B3GALT1: variants seen among roughly 807,000 people sequenced by gnomAD.
The protein encoded by B3GALT1 is UDP-Gal:betaGlcNAc beta 1,3-galactosyltransferase, polypeptide 1.
In B3GALT1, 10 loss-of-function variants were observed where a neutral mutation model predicts 23.2. The observed-to-expected ratio is 0.43, with a 90% CI of 0.27 to 0.73. The LOEUF (loss-of-function observed/expected upper bound fraction) is 0.73, where lower values mean the gene tolerates loss of function less well. B3GALT1 is among the 30% of genes least tolerant of loss of function. The probability of loss-of-function intolerance (pLI) is 0.21; values close to 1 mark genes in which losing one functional copy is unlikely to be tolerated. For synonymous variants in B3GALT1, 156 were observed against 141.5 expected (o/e 1.10, Z -0.73); for missense variants, 299 against 405.4 (o/e 0.74, Z 2.25).
intron 1 of B3GALT1, among the ~76,000 whole-genome samples, chr2:167,307,740 T>C (rs1191735599): frequency 6.6e-6 from 1 of 152,040 alleles, no homozygotes; most frequent in Non-Finnish European, 1.5e-5. Flanking sequence ...TTTAGGGATG[T>C]CTCTTCCAAG....
intron 3 of B3GALT1, among the ~76,000 whole-genome samples, chr2:167,774,480 T>A (rs576330089): frequency 8.2e-6 from 1 of 121,410 alleles, no homozygotes. Context: ...TGGTTTTTTT[T>A]TTTTGTTTTT....
chr2:167,729,392 C>G (rs1345318632), intron 3 of B3GALT1, among the ~76,000 whole-genome samples: 1 of 152,090 alleles, frequency 6.6e-6, no homozygotes, highest in African/African-American at 2.4e-5. Context: ...AACACTAGGA[C>G]GATGTCAAGG....
At chr2:167,695,560 A>C (rs1686779774) in intron 3 of B3GALT1, among the ~76,000 whole-genome samples, 1 of 152,136 alleles carries the variant, frequency 6.6e-6, no homozygotes, top group Non-Finnish European at 1.5e-5. Context: ...ACGTCTAAGA[A>C]TATTTCCTGC....
chr2:167,361,552 A>G (rs750559436), intron 1 of B3GALT1, among the ~76,000 whole-genome samples: 18 of 152,210 alleles, frequency 1.2e-4, no homozygotes, highest in Non-Finnish European at 2.5e-4. Flanking sequence ...CATTGCTTCC[A>G]TATGCACAGC....
intron 1 of B3GALT1, among the ~76,000 whole-genome samples, chr2:167,447,271 T>C (rs1220901777): frequency 6.6e-6 from 1 of 152,200 alleles, no homozygotes; most frequent in African/African-American, 2.4e-5. Context: ...AGTCGGCCCC[T>C]ACTGGGGGGT....
intron 2 of B3GALT1, among the ~76,000 whole-genome samples, chr2:167,538,157 G>C: frequency 6.6e-6 from 1 of 152,028 alleles, no homozygotes; most frequent in East Asian, 1.9e-4. Context: ...TGTTCCCCCA[G>C]CGTATTACTT....
chr2:167,384,252 T>C (rs1697885896), intron 1 of B3GALT1, among the ~76,000 whole-genome samples: 1 of 152,162 alleles, frequency 6.6e-6, no homozygotes, highest in Admixed American at 6.5e-5. Flanking sequence ...CTAATTATCT[T>C]TTCTGGATCC....
chr2:167,830,658 A>G (rs1366834040), intron 4 of B3GALT1, among the ~76,000 whole-genome samples: 1 of 152,242 alleles, frequency 6.6e-6, no homozygotes, highest in Non-Finnish European at 1.5e-5. Context: ...TTCAAACTGT[A>G]GCCGTTTGAA....
intron 2 of B3GALT1, among the ~76,000 whole-genome samples, chr2:167,588,830 CTTCCTTCCTTCCTTCT>C (rs1183716482): frequency 5.3e-4 from 70 of 131,822 alleles, no homozygotes; most frequent in African/African-American, 2.0e-3. Context: ...TCCTTCCTTC[CTTCCTTCCTTCCTTCT>C]TTCCTTCCTT....
intron 1 of B3GALT1, among the ~76,000 whole-genome samples, chr2:167,346,570 C>A (rs1284385686): frequency 6.6e-6 from 1 of 152,074 alleles, no homozygotes; most frequent in Non-Finnish European, 1.5e-5. Context: ...TTTATTTGTA[C>A]AATGCCAAGG....
intron 2 of B3GALT1, among the ~76,000 whole-genome samples, chr2:167,525,147 ATT>A: frequency 6.6e-6 from 1 of 152,316 alleles, no homozygotes; most frequent in Non-Finnish European, 1.5e-5. Context: ...ATTGATGCCG[ATT>A]ATACATTCAC....
chr2:167,519,122 A>T (rs751093715), intron 2 of B3GALT1, among the ~76,000 whole-genome samples: 1 of 152,002 alleles, frequency 6.6e-6, no homozygotes, highest in Non-Finnish European at 1.5e-5. Flanking sequence ...ACTGGACAGT[A>T]GCATCATCAT....
At chr2:167,616,209 T>C (rs1386369415) in intron 2 of B3GALT1, among the ~76,000 whole-genome samples, 1 of 152,100 alleles carries the variant, frequency 6.6e-6, no homozygotes, top group Non-Finnish European at 1.5e-5. Context: ...ATTCAAATGT[T>C]GAATAAATCT....
chr2:167,314,956 C>T (rs1696689821), intron 1 of B3GALT1, among the ~76,000 whole-genome samples: 1 of 152,102 alleles, frequency 6.6e-6, no homozygotes. Flanking sequence ...CATGGCTCAG[C>T]TCAATGTGTC....
In B3GALT1 at chr2:167,672,090, G is replaced by A. The variant is rs115660603; in HGVS notation, c.-352+25124G>A. The stretch of plus-strand genomic sequence containing the variant: ...CTGAATTTGTCATGGAAATTTTTCT[G>A]TTATTTTTAAAAAATATTCCAAACT... On this transcript the variant is annotated intron_variant, in intron 3 of 4. Coordinates refer to ENST00000392690, the MANE Select transcript of B3GALT1 (RefSeq NM_020981.4). Among the ~76,000 whole-genome samples, 1,173 of 152,086 alleles carry A rather than the reference G, an allele frequency of 7.7e-3. 9 individuals carry two copies. Among genetic ancestry groups the A allele is most frequent in the South Asian group, 0.031 (151 of 4,822 alleles).
In B3GALT1 at chr2:167,492,819, G is replaced by A. The variant is rs538610288; in HGVS notation, c.-410+2542G>A. 2.4e-4 allele frequency among the ~76,000 whole-genome samples: 37 copies of A among 151,950 alleles called. 1 individual carries two copies. The highest frequency in any genetic ancestry group is 1.0e-3 in the South Asian group (5 of 4,808). The stretch of plus-strand genomic sequence containing the variant: ...TAATAACAGTGATCAAGAATCTGAG[G>A]TTTTCCCTGACAGCACCAAGATTAG... On this transcript the variant is annotated intron_variant, in intron 2 of 4. Coordinates refer to ENST00000392690, the MANE Select transcript of B3GALT1 (RefSeq NM_020981.4).
chr2:167,597,692 A>G (rs1684805557), intron 2 of B3GALT1, among the ~76,000 whole-genome samples: 1 of 152,154 alleles, frequency 6.6e-6, no homozygotes. Context: ...GCAAACCCCT[A>G]GGGTTTTCTC....
chr2:167,433,637 CAG>C, intron 1 of B3GALT1, among the ~76,000 whole-genome samples: 1 of 152,180 alleles, frequency 6.6e-6, no homozygotes, highest in East Asian at 1.9e-4. Flanking sequence ...AACTACACAA[CAG>C]AAAATTAAAG....
At chr2:167,472,409 CT>C (rs1180885192) in intron 1 of B3GALT1, among the ~76,000 whole-genome samples, 1 of 152,128 alleles carries the variant, frequency 6.6e-6, no homozygotes, top group African/African-American at 2.4e-5. Flanking sequence ...TCTCAGCATC[CT>C]ACCAACACCT....
Sources: gnomAD v4.1 joint callset for allele counts (sites outside exome capture counted in the v4.1 genomes callset) on GRCh38, gnomAD v4.1.1 for gene constraint, MANE v1.5 for transcripts, NCBI Gene and HGNC (gene_info 2026-07-23, HGNC 2026-07-21) for gene names.